The following PTPRD variants were observed in gnomAD, a reference collection of about 807,000 sequenced individuals.
PTPRD encodes receptor-type tyrosine-protein phosphatase delta.
In PTPRD, 34 loss-of-function variants were observed where a neutral mutation model predicts 214.5. The ratio of observed to expected loss-of-function variants is 0.16; its 90% CI spans 0.12 to 0.21. PTPRD has a LOEUF of 0.21. PTPRD is among the 10% of genes least tolerant of loss of function. The pLI is 1.00. For missense variants in PTPRD, 2,545 were observed against 2,398.7 expected (o/e 1.06, Z -1.27); for synonymous variants, 1,128 against 845.7 (o/e 1.33, Z -5.79).
At chr9:8,922,251 G>A (rs2098832861) in intron 11 of PTPRD, among the ~76,000 whole-genome samples, 1 of 152,028 alleles carries the variant, frequency 6.6e-6, no homozygotes, top group Admixed American at 6.5e-5. Flanking sequence ...AAATTTTTCT[G>A]AAATGGGTGG....
chr9:9,065,287 C>T (rs556031784), intron 10 of PTPRD, among the ~76,000 whole-genome samples: 6 of 152,026 alleles, frequency 3.9e-5, no homozygotes, highest in African/African-American at 9.7e-5. Flanking sequence ...GATCAGGGTA[C>T]GCTTTGCTGA....
chr9:8,912,624 A>G (rs977363725), intron 11 of PTPRD, among the ~76,000 whole-genome samples: 5 of 152,208 alleles, frequency 3.3e-5, no homozygotes, highest in African/African-American at 1.2e-4. Flanking sequence ...ATTGTATGGT[A>G]TGTGAATTAT....
intron 6 of PTPRD, among the ~76,000 whole-genome samples, chr9:9,735,829 C>T (rs764836157): frequency 3.3e-5 from 5 of 152,068 alleles, no homozygotes; most frequent in Admixed American, 1.3e-4. Context: ...CTGATACATT[C>T]TTTTATTGTC....
intron 9 of PTPRD, among the ~76,000 whole-genome samples, chr9:9,363,111 C>CTTTTTTTTTT (rs3048061): frequency 7.7e-6 from 1 of 129,862 alleles, no homozygotes; most frequent in Non-Finnish European, 1.7e-5. Flanking sequence ...CTATTTTGTG[C>CTTTTTTTTTT]TTTTTTTTTT....
At chr9:9,294,822 G>A (rs983242129) in intron 9 of PTPRD, among the ~76,000 whole-genome samples, 1 of 151,508 alleles carries the variant, frequency 6.6e-6, no homozygotes, top group Non-Finnish European at 1.5e-5. Flanking sequence ...TACTCCATGT[G>A]CACTATTAAG....
At chr9:10,011,324 A>G (rs1026495819) in intron 4 of PTPRD, among the ~76,000 whole-genome samples, 6 of 152,002 alleles carry the variant, frequency 3.9e-5, no homozygotes, top group African/African-American at 1.4e-4. Context: ...ATTGTTTCCA[A>G]TTTTCTTTTC....
At chr9:8,343,092 C>G (rs560951513) in intron 39 of PTPRD, among the ~76,000 whole-genome samples, 201 of 152,130 alleles carry the variant, frequency 1.3e-3, no homozygotes, top group South Asian at 3.3e-3. Flanking sequence ...GTGCCTGTCT[C>G]AACTGAAATG....
chr9:9,645,845 T>G (rs905805540), intron 7 of PTPRD, among the ~76,000 whole-genome samples: 3 of 152,182 alleles, frequency 2.0e-5, no homozygotes, highest in African/African-American at 7.2e-5. Flanking sequence ...CTAAATACTT[T>G]TCATCAAATG....
intron 30 of PTPRD, 118 bp downstream of exon 30, chr9:8,484,001 G>A (rs1321321750): frequency 3.0e-6 from 4 of 1,330,204 alleles, no homozygotes; most frequent in East Asian, 2.3e-5. Context: ...AGTCTGAGCA[G>A]AAGAATCTTT....
At chr9:8,321,487 G>GTGTGTATATATATATATATATATATATA (rs1168847469) in intron 44 of PTPRD, among the ~76,000 whole-genome samples, 1 of 44,540 alleles carries the variant, frequency 2.2e-5, no homozygotes, top group African/African-American at 1.0e-4. Flanking sequence ...GTGTGTGTGT[G>GTGTGTATATATATATATATATATATATA]TATATATATA....
chr9:9,523,808 A>T lies in PTPRD; in HGVS notation c.-237+50924T>A, dbSNP rs551943062. The stretch of plus-strand genomic sequence containing the variant: ...TATTTTACTTCTCAGCTTATTCCTC[A>T]AATCTTCATATTTCTCAGAAGGAAT... On this transcript the variant is annotated intron_variant, in intron 8 of 45. Coordinates refer to ENST00000381196, the MANE Select transcript of PTPRD (RefSeq NM_002839.4). Among the ~76,000 whole-genome samples, 3 of 152,200 alleles carry T rather than the reference A, an allele frequency of 2.0e-5. No homozygotes were observed. In the South Asian group the frequency reaches 6.2e-4, roughly 32 times the overall value.
At chr9:8,628,869 A>G (rs2096144727) in intron 14 of PTPRD, among the ~76,000 whole-genome samples, 2 of 151,832 alleles carry the variant, frequency 1.3e-5, no homozygotes, top group African/African-American at 4.8e-5. Flanking sequence ...TATCTGGTAA[A>G]CTAGCATGTT....
intron 26 of PTPRD, among the ~76,000 whole-genome samples, chr9:8,496,935 G>C (rs1368442298): frequency 6.6e-6 from 1 of 152,178 alleles, no homozygotes; most frequent in East Asian, 1.9e-4. Flanking sequence ...GAAGCCAAAA[G>C]ATTAGACAAC....
chr9:9,369,462 T>A (rs535066959), intron 9 of PTPRD, among the ~76,000 whole-genome samples: 2 of 152,078 alleles, frequency 1.3e-5, no homozygotes, highest in Non-Finnish European at 1.5e-5. Flanking sequence ...GGTTGTTTGC[T>A]TTTTTTCTTG....
chr9:10,440,730 A>G (rs2098752851), intron 2 of PTPRD, among the ~76,000 whole-genome samples: 1 of 151,782 alleles, frequency 6.6e-6, no homozygotes, highest in African/African-American at 2.4e-5. Flanking sequence ...CAATTGTAAT[A>G]GAGTATATTT....
chr9:9,151,787 T>C (rs142651262), intron 10 of PTPRD, among the ~76,000 whole-genome samples: 1 of 152,232 alleles, frequency 6.6e-6, no homozygotes, highest in Non-Finnish European at 1.5e-5. Flanking sequence ...ATTGTGACAG[T>C]TTTCATCACA....
intron 6 of PTPRD, among the ~76,000 whole-genome samples, chr9:9,766,471 C>T (rs1449724327): frequency 6.6e-6 from 1 of 152,106 alleles, no homozygotes; most frequent in South Asian, 2.1e-4. Context: ...TACATATGTC[C>T]TATTTCAATA....
In PTPRD at chr9:10,530,881, G is replaced by A. The variant is rs949999728; in HGVS notation, c.-600+81517C>T. On this transcript the variant is annotated intron_variant, in intron 2 of 45. Coordinates refer to ENST00000381196, the MANE Select transcript of PTPRD (RefSeq NM_002839.4). Reference sequence around the variant, plus strand: ...CCACTGCTAAATGTAGAAGATATTAGAAAAATGCCCTATTAAATCCACCAT... The same window carrying A: ...CCACTGCTAAATGTAGAAGATATTAAAAAAATGCCCTATTAAATCCACCAT... Among the ~76,000 whole-genome samples the A allele has an allele frequency of 2.6e-5, 4 of 151,952 alleles. No homozygotes were observed. The South Asian group carries it at 8.3e-4, about 32-fold the overall frequency.
chr9:9,429,687 A>G (rs565038934), intron 8 of PTPRD, among the ~76,000 whole-genome samples: 37 of 152,326 alleles, frequency 2.4e-4, no homozygotes, highest in Non-Finnish European at 5.0e-4. Flanking sequence ...GCAGCACATC[A>G]AAAAGCTTAT....
Sources: gnomAD v4.1 joint callset for allele counts (sites outside exome capture counted in the v4.1 genomes callset) on GRCh38, gnomAD v4.1.1 for gene constraint, MANE v1.5 for transcripts, NCBI Gene and HGNC (gene_info 2026-07-23, HGNC 2026-07-21) for gene names.